Variants in KIAA0232 observed in about 807,000 individuals in gnomAD.
The protein encoded by KIAA0232 is uncharacterized protein KIAA0232.
Under a neutral mutation model 122.0 loss-of-function variants are expected in KIAA0232, and 27 were observed. That is an observed-to-expected ratio of 0.22 (90% CI 0.16 to 0.31). The LOEUF is 0.31. Among genes scored for constraint, KIAA0232 ranks in the 10% least tolerant of loss-of-function variants. The pLI is 1.00. For synonymous variants in KIAA0232, 613 were observed against 587.6 expected (o/e 1.04, Z -0.63); for missense variants, 1,551 against 1,634.2 (o/e 0.95, Z 0.88).
At chr4:6,809,013 C>G (rs536006157) in intron 2 of KIAA0232, among the ~76,000 whole-genome samples, 1 of 152,244 alleles carries the variant, frequency 6.6e-6, no homozygotes, top group East Asian at 1.9e-4. Flanking sequence ...ATGAGGACAG[C>G]CAGCACTCTA....
chr4:6,821,849 A>G (rs185076562), intron 2 of KIAA0232, among the ~76,000 whole-genome samples: 229 of 152,026 alleles, frequency 1.5e-3, no homozygotes, highest in Non-Finnish European at 2.0e-3. Flanking sequence ...TTTGAAAGAC[A>G]CTTTCAATGA....
chr4:6,836,687 G>A (rs1719298647), intron 3 of KIAA0232, among the ~76,000 whole-genome samples: 3 of 152,002 alleles, frequency 2.0e-5, no homozygotes, highest in Admixed American at 1.3e-4. Flanking sequence ...TAGGCAGAGG[G>A]CCCTGCCGCC....
chr4:6,865,939 T>C (rs1045115363), intron 7 of KIAA0232, among the ~76,000 whole-genome samples: 5 of 152,218 alleles, frequency 3.3e-5, no homozygotes, highest in African/African-American at 7.2e-5. Flanking sequence ...CTGTGGACCA[T>C]GCCTTACTTA....
At chr4:6,814,193 A>G (rs1288585720) in intron 2 of KIAA0232, among the ~76,000 whole-genome samples, 2 of 152,096 alleles carry the variant, frequency 1.3e-5, no homozygotes, top group Non-Finnish European at 2.9e-5. Context: ...CAAGTAGAAA[A>G]CTGGACAGCA....
chr4:6,860,835 ATGT>A (rs1690489736), intron 6 of KIAA0232, 63 bp from the exon 7 acceptor site: 4 of 1,327,410 alleles, frequency 3.0e-6, no homozygotes, highest in South Asian at 2.7e-5. Flanking sequence ...CTGGTTGGTA[ATGT>A]TGTTTTACTG....
intron 8 of KIAA0232, among the ~76,000 whole-genome samples, chr4:6,872,771 T>G (rs985678265): frequency 1.3e-5 from 2 of 152,264 alleles, no homozygotes; most frequent in African/African-American, 4.8e-5. Flanking sequence ...GCCAAGTGAC[T>G]TCTCTCTCAC....
intron 2 of KIAA0232, among the ~76,000 whole-genome samples, chr4:6,821,893 T>A (rs776687850): frequency 6.6e-6 from 1 of 152,056 alleles, no homozygotes; most frequent in Non-Finnish European, 1.5e-5. Context: ...TTTTTTTTCT[T>A]TTAGTACTTT....
chr4:6,868,069 A>G (rs1721278552), intron 7 of KIAA0232, among the ~76,000 whole-genome samples: 1 of 152,206 alleles, frequency 6.6e-6, no homozygotes, highest in South Asian at 2.1e-4. Context: ...GCAAAGGGGC[A>G]AGATTCCCAG....
chr4:6,858,149 G>A (rs1231886046), intron 5 of KIAA0232, among the ~76,000 whole-genome samples: 1 of 152,100 alleles, frequency 6.6e-6, no homozygotes, highest in Non-Finnish European at 1.5e-5. Flanking sequence ...AGTACACAGG[G>A]GACTTCAGTC....
chr4:6,844,807 T>A (rs1361844701), intron 4 of KIAA0232, among the ~76,000 whole-genome samples: 1 of 152,218 alleles, frequency 6.6e-6, no homozygotes. Context: ...CACTTATACA[T>A]ACAGCTATCT....
chr4:6,823,047 C>T (rs540235912), intron 2 of KIAA0232, among the ~76,000 whole-genome samples: 7 of 150,910 alleles, frequency 4.6e-5, no homozygotes, highest in South Asian at 4.2e-4. Flanking sequence ...TTTGTTCTTG[C>T]GATAGTTTAC....
chr4:6,870,054 G>T (rs1365397123), intron 7 of KIAA0232, among the ~76,000 whole-genome samples: 2 of 152,206 alleles, frequency 1.3e-5, no homozygotes, highest in African/African-American at 4.8e-5. Context: ...GCACAGTGAG[G>T]AAGGCACACT....
chr4:6,837,171 G>A (rs572132184), intron 3 of KIAA0232, among the ~76,000 whole-genome samples: 31 of 150,912 alleles, frequency 2.1e-4, no homozygotes, highest in African/African-American at 6.6e-4. Context: ...CTGGCGGGGC[G>A]GAGGGGCTCC....
intron 1 of KIAA0232, among the ~76,000 whole-genome samples, chr4:6,800,182 C>T (rs1315458686): frequency 6.8e-6 from 1 of 147,306 alleles, no homozygotes; most frequent in Non-Finnish European, 1.5e-5. Context: ...CTCAGCCTCC[C>T]GAGTAGCTAG....
chr4:6,874,861 G>C (rs1224380246), intron 8 of KIAA0232, among the ~76,000 whole-genome samples: 1 of 113,948 alleles, frequency 8.8e-6, no homozygotes, highest in East Asian at 3.1e-4. Flanking sequence ...CAGCAGTTCA[G>C]CATCACCTTT....
intron 1 of KIAA0232, among the ~76,000 whole-genome samples, chr4:6,789,953 C>T (rs1302730801): frequency 1.3e-5 from 2 of 151,860 alleles, no homozygotes; most frequent in Non-Finnish European, 2.9e-5. Flanking sequence ...CGCTTGAGCC[C>T]AGGAGATCAA....
intron 8 of KIAA0232, among the ~76,000 whole-genome samples, chr4:6,874,254 G>A (rs1301725874): frequency 1.3e-5 from 2 of 152,220 alleles, no homozygotes; most frequent in Non-Finnish European, 2.9e-5. Flanking sequence ...TCCTCCCCCT[G>A]CTCAGGTACC....
At chr4:6,806,974 C>A (rs1342660367) in intron 2 of KIAA0232, among the ~76,000 whole-genome samples, 1 of 152,074 alleles carries the variant, frequency 6.6e-6, no homozygotes, top group East Asian at 1.9e-4. Flanking sequence ...TAGAACTGAT[C>A]GCTTTCACCT....
intron 4 of KIAA0232, among the ~76,000 whole-genome samples, chr4:6,851,775 C>T (rs1012251455): frequency 1.4e-5 from 2 of 147,712 alleles, no homozygotes; most frequent in South Asian, 2.2e-4. Flanking sequence ...CAGTAAGGTG[C>T]TATAATGAAC....
Sources: gnomAD v4.1 joint callset for allele counts (sites outside exome capture counted in the v4.1 genomes callset) on GRCh38, gnomAD v4.1.1 for gene constraint, MANE v1.5 for transcripts, NCBI Gene and HGNC (gene_info 2026-07-23, HGNC 2026-07-21) for gene names.